PARD3: variants seen among roughly 807,000 people sequenced by gnomAD.
PARD3 encodes par-3 family cell polarity regulator.
Under a neutral mutation model 155.4 loss-of-function variants are expected in PARD3, and 75 were observed. The observed-to-expected ratio is 0.48, with a 90% CI of 0.40 to 0.58. PARD3 has a LOEUF of 0.58. Among genes scored for constraint, PARD3 ranks in the 20% least tolerant of loss-of-function variants. The probability of loss-of-function intolerance (pLI) is 0.00; values close to 1 mark genes in which losing one functional copy is unlikely to be tolerated. For missense variants in PARD3, 1,642 were observed against 1,721.7 expected, an observed-to-expected ratio of 0.95 and a Z score of 0.82; for synonymous variants, 576 against 610.5, an observed-to-expected ratio of 0.94 and a Z score of 0.83.
intron 7 of PARD3, among the ~76,000 whole-genome samples, chr10:34,395,361 AATGAAATGATATGG>A (rs1433514692): frequency 3.9e-5 from 6 of 152,174 alleles, no homozygotes; most frequent in Non-Finnish European, 8.8e-5. Context: ...ATCAGGAGGA[AATGAAATGATATGG>A]ATGAAATAAA....
chr10:34,188,358 C>T (rs1950570778), intron 22 of PARD3, among the ~76,000 whole-genome samples: 1 of 152,166 alleles, frequency 6.6e-6, no homozygotes, highest in Non-Finnish European at 1.5e-5. Flanking sequence ...CTTTTTAACT[C>T]AGGAATGTGT....
chr10:34,610,953 C>A (rs190338945), intron 2 of PARD3, among the ~76,000 whole-genome samples: 4 of 152,198 alleles, frequency 2.6e-5, no homozygotes, highest in African/African-American at 9.6e-5. Context: ...AGAAAGTAAG[C>A]AGCTCCCAGG....
chr10:34,766,415 G>C (rs1278706139), intron 1 of PARD3, among the ~76,000 whole-genome samples: 1 of 152,108 alleles, frequency 6.6e-6, no homozygotes, highest in Non-Finnish European at 1.5e-5. Context: ...ATCCCAGACA[G>C]CAAAACATTT....
At chr10:34,697,737 T>C (rs1203803898) in intron 1 of PARD3, among the ~76,000 whole-genome samples, 1 of 149,932 alleles carries the variant, frequency 6.7e-6, no homozygotes, top group African/African-American at 2.5e-5. Flanking sequence ...ATCATTTATC[T>C]AGAACACAGA....
At chr10:34,624,263 T>C (rs1471839385) in intron 2 of PARD3, among the ~76,000 whole-genome samples, 1 of 152,140 alleles carries the variant, frequency 6.6e-6, no homozygotes, top group Admixed American at 6.5e-5. Flanking sequence ...GCTGGGAAGG[T>C]AGCAGTTGGA....
chr10:34,722,560 C>A (rs1450846036), intron 1 of PARD3, among the ~76,000 whole-genome samples: 1 of 152,134 alleles, frequency 6.6e-6, no homozygotes, highest in Non-Finnish European at 1.5e-5. Flanking sequence ...ATGTTCAGCA[C>A]GGTACTCCCT....
intron 1 of PARD3, among the ~76,000 whole-genome samples, chr10:34,707,035 C>G (rs2094374162): frequency 1.3e-5 from 2 of 151,938 alleles, no homozygotes; most frequent in African/African-American, 4.8e-5. Context: ...CACTTGAGGT[C>G]AGGAGTTTGA....
intron 22 of PARD3, among the ~76,000 whole-genome samples, chr10:34,198,945 T>C (rs1207954136): frequency 6.6e-6 from 1 of 152,048 alleles, no homozygotes; most frequent in Admixed American, 6.6e-5. Context: ...AAGCTGTGAG[T>C]TGCTTTTCAG....
intron 2 of PARD3, among the ~76,000 whole-genome samples, chr10:34,616,930 C>CA (rs1171920434): frequency 0.072 from 6,451 of 89,160 alleles, 412 homozygotes; most frequent in African/African-American, 0.17. Context: ...GCACCTGTCT[C>CA]AAAAAAAAAA....
At chr10:34,237,639 A>ATATACAAG (rs948864176) in intron 22 of PARD3, among the ~76,000 whole-genome samples, 1 of 152,188 alleles carries the variant, frequency 6.6e-6, no homozygotes, top group African/African-American at 2.4e-5. Context: ...AACTATGAAC[A>ATATACAAG]TATACAAGTG....
intron 2 of PARD3, among the ~76,000 whole-genome samples, chr10:34,655,402 T>C (rs948737112): frequency 6.6e-6 from 1 of 152,186 alleles, no homozygotes; most frequent in Non-Finnish European, 1.5e-5. Context: ...TGCCCTAGCC[T>C]GTGTTACTCC....
intron 2 of PARD3, among the ~76,000 whole-genome samples, chr10:34,672,727 T>C (rs575482195): frequency 6.6e-6 from 1 of 152,326 alleles, no homozygotes; most frequent in African/African-American, 2.4e-5. Context: ...AACTGTTGCC[T>C]TTCAGGAAAT....
chr10:34,290,957 C>A (rs1220127713), intron 20 of PARD3, among the ~76,000 whole-genome samples: 4 of 152,314 alleles, frequency 2.6e-5, no homozygotes, highest in African/African-American at 7.2e-5. Flanking sequence ...AAAACAAACC[C>A]ATGAACTTTT....
At chr10:34,255,443 A>T (rs1270852209) in intron 22 of PARD3, among the ~76,000 whole-genome samples, 1 of 152,216 alleles carries the variant, frequency 6.6e-6, no homozygotes, top group African/African-American at 2.4e-5. Flanking sequence ...TTACCACTGC[A>T]CTGCCTTCTA....
chr10:34,718,642 C>T (rs973583977), intron 1 of PARD3, among the ~76,000 whole-genome samples: 2 of 151,800 alleles, frequency 1.3e-5, no homozygotes, highest in Non-Finnish European at 2.9e-5. Flanking sequence ...CTGGGCAACA[C>T]GACAAGACTC....
rs373670431 is a variant in PARD3, at chr10:34,746,937, C to T, written c.121-50518G>A. ...CTTCTGCAGTGGACACCCAGGCTGC[C>T]GGGGTTCAGGGTCACCACATTTCTG... On this transcript the variant is annotated intron_variant, in intron 1 of 24. Coordinates refer to ENST00000374788, the MANE Select transcript of PARD3 (RefSeq NM_001184785.2). Among the ~76,000 whole-genome samples the T allele has an allele frequency of 3.3e-5, 5 of 152,276 alleles. No homozygotes were observed. In the East Asian group the frequency reaches 7.7e-4, roughly 23 times the overall value.
intron 5 of PARD3, among the ~76,000 whole-genome samples, chr10:34,405,563 CAAG>C (rs1844377145): frequency 6.6e-6 from 1 of 151,958 alleles, no homozygotes; most frequent in South Asian, 2.1e-4. Flanking sequence ...AAGTACATGG[CAAG>C]AAGAAGAAAA....
chr10:34,739,239 G>T (rs2094966101), intron 1 of PARD3, among the ~76,000 whole-genome samples: 2 of 152,132 alleles, frequency 1.3e-5, no homozygotes. Context: ...AGTCAACGTT[G>T]GTTCATTTTG....
At chr10:34,610,721 T>C (rs1318389117) in intron 2 of PARD3, among the ~76,000 whole-genome samples, 3 of 152,232 alleles carry the variant, frequency 2.0e-5, no homozygotes, top group South Asian at 2.1e-4. Flanking sequence ...ATAATCTTTA[T>C]TGTTTCTGAG....
Sources: gnomAD v4.1 joint callset for allele counts (sites outside exome capture counted in the v4.1 genomes callset) on GRCh38, gnomAD v4.1.1 for gene constraint, MANE v1.5 for transcripts, NCBI Gene and HGNC (gene_info 2026-07-23, HGNC 2026-07-21) for gene names.